Variants in YWHAQ observed in about 807,000 individuals in gnomAD.
The protein encoded by YWHAQ is 14-3-3 protein theta.
YWHAQ carries 6 observed loss-of-function variants against 28.3 expected under a neutral mutation model. The observed-to-expected ratio is 0.21, with a 90% confidence interval of 0.12 to 0.42. The LOEUF is 0.42. Among genes scored for constraint, YWHAQ ranks in the 10% least tolerant of loss-of-function variants. The pLI is 1.00. For missense variants in YWHAQ, 201 were observed against 305.6 expected (o/e 0.66, Z 2.55); for synonymous variants, 143 against 119.1 (o/e 1.20, Z -1.31).
chr2:9,585,390 CA>C (rs1666321882), intron 5 of YWHAQ, 45 bp from the exon 6 acceptor site: 3 of 1,593,158 alleles, frequency 1.9e-6, no homozygotes, highest in Non-Finnish European at 2.6e-6. Context: ...CTAGATTAGG[CA>C]ATTACACTAA....
intron 4 of YWHAQ, 49 bp downstream of exon 4, chr2:9,588,116 T>A: frequency 6.7e-7 from 1 of 1,483,734 alleles, no homozygotes; most frequent in Non-Finnish European, 8.9e-7. Context: ...ATACCTGGTA[T>A]CTCAAATAAC....
intron 2 of YWHAQ, among the ~76,000 whole-genome samples, chr2:9,621,329 G>A (rs1667139323): frequency 6.6e-6 from 1 of 152,078 alleles, no homozygotes; most frequent in South Asian, 2.1e-4. Context: ...CCTAAGTGGG[G>A]ATCAATACCG....
In YWHAQ at chr2:9,587,527, C is replaced by G. The variant is rs370706530; in HGVS notation, c.583-18G>C. 5 of 1,571,564 alleles carry G rather than the reference C, an allele frequency of 3.2e-6. No homozygotes were observed. Among genetic ancestry groups the G allele is most frequent in the Middle Eastern group, 1.7e-4 (1 of 5,894 alleles). Reference sequence around the variant, plus strand: ...TCAAAAGCCTGATAAATATTAATATCCATGGTAAAATATGTGCATTGACGA... The same window carrying G: ...TCAAAAGCCTGATAAATATTAATATGCATGGTAAAATATGTGCATTGACGA... On this transcript the variant is annotated intron_variant, in intron 4 of 5. Transcript: ENST00000238081.
chr2:9,597,493 A>C (rs1216769546), intron 2 of YWHAQ, among the ~76,000 whole-genome samples: 1 of 152,024 alleles, frequency 6.6e-6, no homozygotes, highest in East Asian at 1.9e-4. Flanking sequence ...TAAAAATACA[A>C]AAATTAGCCA....
intron 2 of YWHAQ, among the ~76,000 whole-genome samples, chr2:9,626,350 TCTAA>T (rs143572053): frequency 0.011 from 1,691 of 152,336 alleles, 30 homozygotes; most frequent in African/African-American, 0.039. Context: ...TGTGAACCCC[TCTAA>T]CTTTTTCCAT....
intron 2 of YWHAQ, among the ~76,000 whole-genome samples, chr2:9,627,944 A>G (rs1239261593): frequency 2.6e-5 from 4 of 152,134 alleles, no homozygotes. Context: ...AAAGGTTTCT[A>G]TTTCCTTCAG....
intron 2 of YWHAQ, among the ~76,000 whole-genome samples, chr2:9,609,748 G>A (rs975649164): frequency 3.3e-5 from 5 of 152,132 alleles, no homozygotes; most frequent in Admixed American, 6.5e-5. Flanking sequence ...TTCAAAGTGC[G>A]GAGAAAAACA....
chr2:9,612,608 G>A (rs1666969925), intron 2 of YWHAQ, among the ~76,000 whole-genome samples: 1 of 152,158 alleles, frequency 6.6e-6, no homozygotes, highest in East Asian at 1.9e-4. Flanking sequence ...ACCAGTAGGA[G>A]GAGTGTGGAG....
In YWHAQ at chr2:9,630,454, G is replaced by A. The variant is rs764536655; in HGVS notation, c.-2C>T. The A allele has an allele frequency of 6.3e-7, 1 of 1,594,928 alleles. No individual in the cohort carries two copies. The highest frequency in any genetic ancestry group is 1.1e-5 in the South Asian group (1 of 90,258). ...CTGGATCAGCTCAGTCTTCTCCATG[G>A]CGGGCGCGGGGCCGGGGCCGGGGCG... On this transcript the variant is annotated 5_prime_UTR_variant, in exon 2 of 6. Transcript: ENST00000238081. The surrounding 1 kb of genome is among the most constrained non-coding windows in gnomAD (Gnocchi z 5.6).
chr2:9,619,015 AAAT>A (rs1667089708), intron 2 of YWHAQ, among the ~76,000 whole-genome samples: 2 of 152,192 alleles, frequency 1.3e-5, no homozygotes, highest in Admixed American at 1.3e-4. Context: ...CCTTCTGAAA[AAAT>A]AATATTTGAG....
At chr2:9,590,537 A>G (rs574509816) in intron 3 of YWHAQ, among the ~76,000 whole-genome samples, 1 of 152,304 alleles carries the variant, frequency 6.6e-6, no homozygotes, top group South Asian at 2.1e-4. Flanking sequence ...CACTTCTAAT[A>G]CCTAGAACTT....
At chr2:9,605,194 A>G (rs1016153073) in intron 2 of YWHAQ, among the ~76,000 whole-genome samples, 33 of 146,770 alleles carry the variant, frequency 2.2e-4, no homozygotes, top group African/African-American at 8.5e-4. Flanking sequence ...GCTAGAATAC[A>G]GTGGCATCAT....
chr2:9,605,264 A>T (rs1666799537), intron 2 of YWHAQ, among the ~76,000 whole-genome samples: 1 of 151,606 alleles, frequency 6.6e-6, no homozygotes, highest in Admixed American at 6.6e-5. Context: ...CAGCCTCCCA[A>T]GTAGCTGGGA....
rs562656673 is a variant in YWHAQ at position 9,614,646 on chromosome 2, C to G, written c.294+15513G>C. Among the ~76,000 whole-genome samples the G allele has an allele frequency of 3.9e-5, 6 of 152,260 alleles. No individual in the cohort carries two copies. In the South Asian group the frequency reaches 1.2e-3, roughly 32 times the overall value. The stretch of plus-strand genomic sequence containing the variant: ...CAAGTTTTGCTATATCCTAAGAAGA[C>G]TACTAAAGATAGAAAATGGTTTATA... On this transcript the variant is annotated intron_variant, in intron 2 of 5. Transcript: ENST00000238081.
intron 2 of YWHAQ, among the ~76,000 whole-genome samples, chr2:9,603,445 A>AT (rs1339046676): frequency 1.6e-4 from 24 of 149,250 alleles, no homozygotes; most frequent in South Asian, 8.6e-4. Context: ...AATTTTTCTA[A>AT]TTTTTTTTTA....
At chr2:9,585,927 AAAAG>A (rs1302366025) in intron 5 of YWHAQ, among the ~76,000 whole-genome samples, 1 of 152,074 alleles carries the variant, frequency 6.6e-6, no homozygotes, top group Non-Finnish European at 1.5e-5. Flanking sequence ...AAAAAAAAAA[AAAAG>A]AGAAACTTTT....
intron 2 of YWHAQ, among the ~76,000 whole-genome samples, chr2:9,601,563 C>T (rs1015236256): frequency 1.3e-5 from 2 of 152,178 alleles, no homozygotes; most frequent in Non-Finnish European, 2.9e-5. Flanking sequence ...ATTTAACGTT[C>T]ATATAAAAGG....
intron 2 of YWHAQ, chr2:9,620,727 C>T (rs536183119): frequency 3.0e-4 from 45 of 152,260 alleles, no homozygotes; most frequent in African/African-American, 9.4e-4. Context: ...TTCATTATCA[C>T]ATCTGTGATT....
At chr2:9,613,739 G>A (rs973423846) in intron 2 of YWHAQ, among the ~76,000 whole-genome samples, 2 of 152,190 alleles carry the variant, frequency 1.3e-5, no homozygotes, top group Non-Finnish European at 2.9e-5. Context: ...GCACAGTGGT[G>A]TCTTACAGGG....
Sources: allele counts gnomAD v4.1 joint callset (sites outside exome capture counted in the v4.1 genomes callset), GRCh38; gene constraint gnomAD v4.1.1; non-coding constraint Gnocchi (gnomAD v3.1); transcripts MANE v1.5; gene names NCBI Gene and HGNC (gene_info 2026-07-23, HGNC 2026-07-21).